The following RB1CC1 variants were observed in gnomAD, a reference collection of about 807,000 sequenced individuals.
RB1CC1 encodes RB1-inducible coiled-coil protein 1.
A neutral mutation model predicts 177.5 loss-of-function variants in RB1CC1; 46 were observed. The ratio of observed to expected loss-of-function variants is 0.26; its 90% CI spans 0.20 to 0.33. The LOEUF is 0.33. Ranked by LOEUF, RB1CC1 falls within the 10% of genes least tolerant of loss-of-function variation. RB1CC1 has a pLI of 1.00. For synonymous variants in RB1CC1, 666 were observed against 613.6 expected, an observed-to-expected ratio of 1.09 and a Z score of -1.26; for missense variants, 1,703 against 1,816.3, an observed-to-expected ratio of 0.94 and a Z score of 1.13.
intron 11 of RB1CC1, 124 bp from the exon 12 acceptor site, chr8:52,660,781 T>G: frequency 9.1e-7 from 1 of 1,099,558 alleles, no homozygotes; most frequent in Non-Finnish European, 1.3e-6. Flanking sequence ...TAACAATGGA[T>G]TCAATTCTAT....
intron 18 of RB1CC1, 98 bp from the exon 19 acceptor site, chr8:52,636,167 T>C: frequency 7.6e-7 from 1 of 1,316,144 alleles, no homozygotes; most frequent in Non-Finnish European, 1.0e-6. Flanking sequence ...ACTTTAACAA[T>C]TTAAGGGTTT....
At chr8:52,634,577 ATATAT>A (rs1268644170) in intron 20 of RB1CC1, among the ~76,000 whole-genome samples, 1 of 152,174 alleles carries the variant, frequency 6.6e-6, no homozygotes, top group African/African-American at 2.4e-5. Flanking sequence ...TTGTGAGTAA[ATATAT>A]TAATCTTCAA....
intron 15 of RB1CC1, among the ~76,000 whole-genome samples, chr8:52,647,284 A>T (rs1178453721): frequency 6.6e-6 from 1 of 152,206 alleles, no homozygotes; most frequent in Admixed American, 6.5e-5. Flanking sequence ...TAATATCTCT[A>T]TCAAAGTCTG....
chr8:52,667,301 G>A (rs1335889063), intron 8 of RB1CC1, among the ~76,000 whole-genome samples: 1 of 152,076 alleles, frequency 6.6e-6, no homozygotes, highest in African/African-American at 2.4e-5. Context: ...TTAAAAAAAA[G>A]GAAAAGTTAA....
At chr8:52,692,014 ACATTCATATCAT>A (rs901711410) in intron 1 of RB1CC1, among the ~76,000 whole-genome samples, 12 of 152,274 alleles carry the variant, frequency 7.9e-5, no homozygotes, top group African/African-American at 2.7e-4. Flanking sequence ...TACATGTAAT[ACATTCATATCAT>A]TAGGGTTTCC....
At chr8:52,665,252 A>G (rs1851968582) in intron 8 of RB1CC1, among the ~76,000 whole-genome samples, 1 of 152,240 alleles carries the variant, frequency 6.6e-6, no homozygotes, top group Non-Finnish European at 1.5e-5. Flanking sequence ...TATATGATAA[A>G]TTCTAACAAA....
intron 22 of RB1CC1, among the ~76,000 whole-genome samples, chr8:52,626,246 G>T (rs1416080113): frequency 6.6e-6 from 1 of 152,074 alleles, no homozygotes; most frequent in African/African-American, 2.4e-5. Context: ...AAGGAACGGG[G>T]GTTTATTAAT....
intron 8 of RB1CC1, among the ~76,000 whole-genome samples, chr8:52,664,981 G>A (rs1225676250): frequency 2.6e-5 from 4 of 151,942 alleles, no homozygotes; most frequent in South Asian, 2.1e-4. Flanking sequence ...AGATTAAGGG[G>A]AGCAAAGAAA....
At chr8:52,646,411 G>C (rs931915446) in intron 15 of RB1CC1, among the ~76,000 whole-genome samples, 1 of 151,996 alleles carries the variant, frequency 6.6e-6, no homozygotes, top group Non-Finnish European at 1.5e-5. Flanking sequence ...GGCAACATAA[G>C]GAAAAAGTAT....
At chr8:52,685,600 GTAT>G (rs1420208557) in intron 2 of RB1CC1, 80 bp from the exon 3 acceptor site, 1 of 491,128 alleles carries the variant, frequency 2.0e-6, no homozygotes, top group Non-Finnish European at 3.6e-6. Context: ...ACACAGTACA[GTAT>G]TACTATATAA....
chr8:52,659,939 G>C (rs1304072113), intron 12 of RB1CC1, among the ~76,000 whole-genome samples: 1 of 152,240 alleles, frequency 6.6e-6, no homozygotes, highest in South Asian at 2.1e-4. Context: ...TGAGGTTGCA[G>C]TGAGATGAGA....
At chr8:52,641,747 T>G (rs1315616304) in intron 18 of RB1CC1, among the ~76,000 whole-genome samples, 1 of 152,088 alleles carries the variant, frequency 6.6e-6, no homozygotes, top group Non-Finnish European at 1.5e-5. Flanking sequence ...ATCCCAGAGG[T>G]GCAACTAGAA....
intron 6 of RB1CC1, among the ~76,000 whole-genome samples, chr8:52,674,767 T>C (rs1042514019): frequency 1.4e-5 from 2 of 140,602 alleles, no homozygotes; most frequent in African/African-American, 5.4e-5. Flanking sequence ...CAAGGCTCCG[T>C]CTCAAAAAAA....
rs1848522910 is a variant in RB1CC1 at position 52,628,108 on chromosome 8, T to C, written c.4560A>G (p.Leu1520=). The C allele has an allele frequency of 6.2e-7, 1 of 1,606,944 alleles. No homozygotes were observed. The highest frequency in any genetic ancestry group is 8.5e-7 in the Non-Finnish European group (1 of 1,174,418). The part of the protein sequence containing the change: ...ILDERHDNYV[L]FTVSPTLYFL... ...AATATAAAGTAGGACTAACAGTAAATAACACATAATTGTCATGGCGTTCGT... is the reference window on the plus strand; with the variant it reads ...AATATAAAGTAGGACTAACAGTAAACAACACATAATTGTCATGGCGTTCGT... Residue 1520 remains leucine, a synonymous_variant, in exon 22 of 24, where the codon TTA becomes TTG. Coordinates refer to ENST00000025008, the MANE Select transcript of RB1CC1 (RefSeq NM_014781.5).
chr8:52,703,316 T>C (rs1856257003), intron 1 of RB1CC1, among the ~76,000 whole-genome samples: 1 of 152,184 alleles, frequency 6.6e-6, no homozygotes, highest in Non-Finnish European at 1.5e-5. Flanking sequence ...TATCTGCAGA[T>C]TCCATCTCAG....
intron 1 of RB1CC1, among the ~76,000 whole-genome samples, chr8:52,700,054 C>G (rs1591132152): frequency 6.6e-6 from 1 of 151,672 alleles, no homozygotes; most frequent in African/African-American, 2.4e-5. Context: ...TATGTGCATG[C>G]TAGAATTACC....
intron 15 of RB1CC1, among the ~76,000 whole-genome samples, chr8:52,654,352 C>T (rs1487057361): frequency 6.6e-6 from 1 of 152,118 alleles, no homozygotes; most frequent in African/African-American, 2.4e-5. Context: ...TCCAGTTTGC[C>T]AATGAAAAGA....
At chr8:52,702,082 A>G (rs1229810876) in intron 1 of RB1CC1, among the ~76,000 whole-genome samples, 2 of 152,188 alleles carry the variant, frequency 1.3e-5, no homozygotes, top group African/African-American at 4.8e-5. Context: ...TGCTAGGATT[A>G]CAGGCGTGAG....
chr8:52,644,341 A>G (rs928978034), intron 16 of RB1CC1, among the ~76,000 whole-genome samples: 37 of 152,204 alleles, frequency 2.4e-4, no homozygotes, highest in African/African-American at 8.0e-4. Context: ...ACATCAAAAC[A>G]TGAAGAAGTA....
Sources: allele counts gnomAD v4.1 joint callset (sites outside exome capture counted in the v4.1 genomes callset), GRCh38; gene constraint gnomAD v4.1.1; transcripts MANE v1.5; gene names NCBI Gene and HGNC (gene_info 2026-07-23, HGNC 2026-07-21).